PXDNL: variants seen among roughly 807,000 people sequenced by gnomAD.
PXDNL encodes the protein peroxidasin like.
Under a neutral mutation model 150.8 loss-of-function variants are expected in PXDNL, and 145 were observed. The ratio of observed to expected loss-of-function variants is 0.96; its 90% confidence interval spans 0.84 to 1.10. The LOEUF (loss-of-function observed/expected upper bound fraction) is 1.10. Among genes scored for constraint, PXDNL ranks in the 50% least tolerant of loss-of-function variants. PXDNL has a pLI of 0.00. For missense variants in PXDNL, 2,087 were observed against 1,873.9 expected (o/e 1.11, Z -2.10); for synonymous variants, 757 against 725.7 (o/e 1.04, Z -0.69).
At chr8:51,517,420 C>T (rs1370540991) in intron 4 of PXDNL, among the ~76,000 whole-genome samples, 2 of 152,016 alleles carry the variant, frequency 1.3e-5, no homozygotes, top group Non-Finnish European at 2.9e-5. Context: ...AGTTTAAAAC[C>T]AATAATAATG....
intron 14 of PXDNL, among the ~76,000 whole-genome samples, chr8:51,418,906 T>G (rs1013645633): frequency 6.6e-6 from 1 of 151,916 alleles, no homozygotes; most frequent in Non-Finnish European, 1.5e-5. Flanking sequence ...AGAACAGGAG[T>G]CACATAAAGA....
At chr8:51,634,218 A>G (rs1329663203) in intron 2 of PXDNL, among the ~76,000 whole-genome samples, 2 of 152,126 alleles carry the variant, frequency 1.3e-5, no homozygotes, top group East Asian at 3.8e-4. Flanking sequence ...TCGCAGCACC[A>G]TTTATTGAAT....
chr8:51,499,553 T>C (rs1585528585), intron 5 of PXDNL, 146 bp downstream of exon 5: 1 of 583,466 alleles, frequency 1.7e-6, no homozygotes, highest in Non-Finnish European at 3.1e-6. Context: ...GAAAGCTTTA[T>C]ATTAACTCTG....
chr8:51,506,001 C>T (rs1324553119), intron 4 of PXDNL, among the ~76,000 whole-genome samples: 1 of 152,204 alleles, frequency 6.6e-6, no homozygotes, highest in Non-Finnish European at 1.5e-5. Flanking sequence ...ATCCTTATTT[C>T]AGAGCACGGT....
chr8:51,716,284 C>G (rs150523023), intron 1 of PXDNL, among the ~76,000 whole-genome samples: 56 of 152,328 alleles, frequency 3.7e-4, no homozygotes, highest in African/African-American at 1.3e-3. Flanking sequence ...GACAGCTGTA[C>G]CTTGGAGCCA....
At chr8:51,488,866 C>G (rs1256132060) in intron 5 of PXDNL, among the ~76,000 whole-genome samples, 1 of 152,020 alleles carries the variant, frequency 6.6e-6, no homozygotes, top group Non-Finnish European at 1.5e-5. Flanking sequence ...CAGGGAAATT[C>G]CAAGAACTAG....
intron 4 of PXDNL, among the ~76,000 whole-genome samples, chr8:51,540,630 A>T (rs567493316): frequency 6.6e-6 from 1 of 152,188 alleles, no homozygotes; most frequent in Admixed American, 6.5e-5. Context: ...TGTAATCCAC[A>T]ATATAATCTA....
chr8:51,537,569 C>T (rs1812108479), intron 4 of PXDNL, among the ~76,000 whole-genome samples: 1 of 152,182 alleles, frequency 6.6e-6, no homozygotes, highest in Non-Finnish European at 1.5e-5. Flanking sequence ...CAAAGAGCAA[C>T]AGGGGGGAAG....
intron 8 of PXDNL, among the ~76,000 whole-genome samples, chr8:51,466,516 A>G (rs994468808): frequency 6.6e-6 from 1 of 152,166 alleles, no homozygotes; most frequent in Admixed American, 6.5e-5. Context: ...CCTCAAAGCA[A>G]TTGCAATGAA....
At chr8:51,685,171 C>G (rs934010634) in intron 1 of PXDNL, among the ~76,000 whole-genome samples, 13 of 152,214 alleles carry the variant, frequency 8.5e-5, no homozygotes, top group Non-Finnish European at 1.6e-4. Flanking sequence ...TTATAGGTAT[C>G]ACCACACTCT....
At chr8:51,675,067 A>G (rs770168191) in intron 1 of PXDNL, among the ~76,000 whole-genome samples, 8 of 152,160 alleles carry the variant, frequency 5.3e-5, no homozygotes, top group Non-Finnish European at 1.2e-4. Context: ...ATCATTTGCT[A>G]CGCACTCTCC....
At chr8:51,362,577 CTACT>C (rs1187347378) in intron 19 of PXDNL, among the ~76,000 whole-genome samples, 2 of 152,124 alleles carry the variant, frequency 1.3e-5, no homozygotes, top group African/African-American at 4.8e-5. Context: ...TTTACTTCCA[CTACT>C]TTTTTTTTGG....
chr8:51,467,293 AACG>A (rs1363504637), intron 8 of PXDNL, among the ~76,000 whole-genome samples: 8 of 152,148 alleles, frequency 5.3e-5, no homozygotes, highest in African/African-American at 1.9e-4. Context: ...CAGGAACAAC[AACG>A]ACAACAAACA....
At chr8:51,403,088 C>CAAAAAAAAAAAA (rs201970177) in intron 17 of PXDNL, among the ~76,000 whole-genome samples, 1 of 52,806 alleles carries the variant, frequency 1.9e-5, no homozygotes. Flanking sequence ...ACTCCCTCTC[C>CAAAAAAAAAAAA]AAAAAAAAAA....
intron 19 of PXDNL, among the ~76,000 whole-genome samples, chr8:51,367,100 C>CA (rs58282258): frequency 0.013 from 740 of 55,232 alleles, 29 homozygotes; most frequent in African/African-American, 0.027. Flanking sequence ...ACTCTTGTCT[C>CA]AAAAAAAAAA....
chr8:51,514,582 A>G (rs1339604691), intron 4 of PXDNL, among the ~76,000 whole-genome samples: 1 of 152,210 alleles, frequency 6.6e-6, no homozygotes, highest in Non-Finnish European at 1.5e-5. Flanking sequence ...TACAATCTAA[A>G]TGCCTTCCAA....
At chr8:51,423,411 ATTT>A (rs937687401) in intron 14 of PXDNL, among the ~76,000 whole-genome samples, 161 bp downstream of exon 14, 3 of 152,068 alleles carry the variant, frequency 2.0e-5, no homozygotes, top group South Asian at 2.1e-4. Context: ...TTATATTTAA[ATTT>A]TTTTATTTTA....
intron 17 of PXDNL, among the ~76,000 whole-genome samples, chr8:51,391,820 A>G (rs1350877334): frequency 1.3e-5 from 2 of 152,258 alleles, no homozygotes; most frequent in East Asian, 3.9e-4. Context: ...GCCCATGCCT[A>G]TGTCCTGAAT....
At chr8:51,489,589 C>G (rs187934584) in intron 5 of PXDNL, among the ~76,000 whole-genome samples, 1 of 152,240 alleles carries the variant, frequency 6.6e-6, no homozygotes, top group Non-Finnish European at 1.5e-5. Context: ...AAGTGCAGGC[C>G]ATTACATTTG....
Sources: gnomAD v4.1 joint callset for allele counts (sites outside exome capture counted in the v4.1 genomes callset) on GRCh38, gnomAD v4.1.1 for gene constraint, MANE v1.5 for transcripts, NCBI Gene and HGNC (gene_info 2026-07-23, HGNC 2026-07-21) for gene names.